Variants in NDFIP1 observed in about 807,000 individuals in gnomAD.
NDFIP1 encodes NEDD4 family-interacting protein 1.
A neutral mutation model predicts 28.8 loss-of-function variants in NDFIP1; 7 were observed. The ratio of observed to expected loss-of-function variants is 0.24; its 90% confidence interval spans 0.14 to 0.46. NDFIP1 has a LOEUF of 0.46. NDFIP1 is among the 20% of genes least tolerant of loss of function. The pLI is 0.99. For synonymous variants in NDFIP1, 92 were observed against 101.0 expected, an observed-to-expected ratio of 0.91 and a Z score of 0.53; for missense variants, 194 against 269.1, an observed-to-expected ratio of 0.72 and a Z score of 1.95.
chr5:142,112,996 G>A (rs1757031214), intron 1 of NDFIP1, among the ~76,000 whole-genome samples: 1 of 152,134 alleles, frequency 6.6e-6, no homozygotes, highest in Non-Finnish European at 1.5e-5. Context: ...GATGAACGCA[G>A]ATCTTCTGCG....
In NDFIP1 at chr5:142,152,440, T is replaced by G. The variant is rs1052467798; in HGVS notation, c.*712T>G. ...CACTAGGATACAAATGAAGCTTAAT[T>G]ACTAAAATGTAATTCTTGACACTCT... is the stretch of plus-strand genomic sequence containing the variant. On this transcript the variant is annotated 3_prime_UTR_variant, in exon 8 of 8. Transcript: ENST00000253814. 2 of 152,276 alleles carry G rather than the reference T, an allele frequency of 1.3e-5. No individual in the cohort carries two copies. The highest frequency in any genetic ancestry group is 2.9e-5 in the Non-Finnish European group (2 of 68,024). 9.4% of individuals were successfully genotyped at this position (152,276 alleles called of 1,614,324 possible).
chr5:142,130,527 A>G (rs1757216782), intron 1 of NDFIP1, among the ~76,000 whole-genome samples: 1 of 152,162 alleles, frequency 6.6e-6, no homozygotes, highest in South Asian at 2.1e-4. Flanking sequence ...TCTAACTTTA[A>G]AAAAGTATAC....
intron 1 of NDFIP1, among the ~76,000 whole-genome samples, chr5:142,109,963 T>C (rs1756995961): frequency 1.3e-5 from 2 of 152,246 alleles, no homozygotes; most frequent in Admixed American, 1.3e-4. Flanking sequence ...GTGTTTGTCA[T>C]GTTTCAGATG....
At position 142,152,950 on chromosome 5, in the gene NDFIP1, C is replaced by T. The variant is rs1452254619; in HGVS notation, c.*1222C>T. On this transcript the variant is annotated 3_prime_UTR_variant, in exon 8 of 8. Coordinates refer to ENST00000253814, the MANE Select transcript of NDFIP1 (RefSeq NM_030571.4). ...CTCTTATATCCTACTAAATACATTCCTAAAAATGTATTTGAACATTGGTTC... is the reference window on the plus strand; with the variant it reads ...CTCTTATATCCTACTAAATACATTCTTAAAAATGTATTTGAACATTGGTTC... 8.1e-6 allele frequency: 2 copies of T among 246,884 alleles called. No homozygotes were observed. Among genetic ancestry groups the T allele is most frequent in the East Asian group, 2.0e-4 (2 of 9,858 alleles). 15.3% of individuals were successfully genotyped at this position (246,884 alleles called of 1,614,324 possible). A position where few individuals can be genotyped will look rare whatever the true frequency, so the allele number is the denominator to read the frequency against.
At chr5:142,144,150 A>G (rs907973980) in intron 6 of NDFIP1, 1 of 154,882 alleles carries the variant, frequency 6.5e-6, no homozygotes, top group African/African-American at 2.4e-5. Context: ...GGAAGGTTAC[A>G]TTTTTTCTTT....
At chr5:142,113,451 G>A (rs533034201) in intron 1 of NDFIP1, among the ~76,000 whole-genome samples, 1 of 152,258 alleles carries the variant, frequency 6.6e-6, no homozygotes, top group Non-Finnish European at 1.5e-5. Flanking sequence ...AAATGTCAAA[G>A]TTTCTTAAGT....
chr5:142,149,496 G>T (rs1246903735), intron 7 of NDFIP1, among the ~76,000 whole-genome samples: 1 of 138,186 alleles, frequency 7.2e-6, no homozygotes, highest in Non-Finnish European at 1.5e-5. Context: ...ACGGTCCAGA[G>T]TCCCTAAGAT....
At chr5:142,148,532 CCT>C (rs1757413862) in intron 7 of NDFIP1, among the ~76,000 whole-genome samples, 1 of 151,998 alleles carries the variant, frequency 6.6e-6, no homozygotes, top group African/African-American at 2.4e-5. Context: ...GGGCAGGTCA[CCT>C]GAGGTTAGAA....
intron 2 of NDFIP1, 21 bp from the exon 3 acceptor site, chr5:142,132,191 G>T: frequency 6.2e-7 from 1 of 1,603,602 alleles, no homozygotes; most frequent in Non-Finnish European, 8.5e-7. Flanking sequence ...TCAAAAAATT[G>T]TGACTGTTAA....
chr5:142,137,938 C>T, intron 5 of NDFIP1, 80 bp downstream of exon 5: 3 of 1,491,516 alleles, frequency 2.0e-6, no homozygotes, highest in East Asian at 2.3e-5. Flanking sequence ...TTTTCATTTG[C>T]TTTTTTAAAA....
At chr5:142,140,672 T>G in intron 6 of NDFIP1, 43 bp downstream of exon 6, 1 of 1,475,358 alleles carries the variant, frequency 6.8e-7, no homozygotes, top group Non-Finnish European at 9.4e-7. Context: ...AACATTACAT[T>G]AAATTTTATA....
At chr5:142,117,541 G>A (rs972445734) in intron 1 of NDFIP1, among the ~76,000 whole-genome samples, 1 of 151,996 alleles carries the variant, frequency 6.6e-6, no homozygotes, top group African/African-American at 2.4e-5. Flanking sequence ...GCGCCTGGCC[G>A]ATTTCATTTT....
Position 142,149,631 on chromosome 5 carries a change from C to T in NDFIP1, c.*3-2100C>T, listed in dbSNP as rs1170041925. Among the ~76,000 whole-genome samples, 9 of 152,138 alleles carry T rather than the reference C, an allele frequency of 5.9e-5. No individual in the cohort carries two copies. In the South Asian group the frequency reaches 1.7e-3, roughly 28 times the overall value. ...GGAGATTGTGTGGTGATTGAGATTA[C>T]CCACTGGTGACCTCTCTAGGTCCTC... On this transcript the variant is annotated intron_variant, in intron 7 of 7. Coordinates refer to ENST00000253814, the MANE Select transcript of NDFIP1 (RefSeq NM_030571.4).
intron 1 of NDFIP1, 79 bp from the exon 2 acceptor site, chr5:142,131,728 AG>A: frequency 9.3e-7 from 1 of 1,074,688 alleles, no homozygotes; most frequent in Non-Finnish European, 1.3e-6. Flanking sequence ...CTTTCGAGAA[AG>A]GCTATTTATT....
At chr5:142,132,448 T>C in intron 3 of NDFIP1, 106 bp downstream of exon 3, 1 of 1,361,168 alleles carries the variant, frequency 7.3e-7, no homozygotes, top group Non-Finnish European at 1.0e-6. Context: ...TTAGTGAAAG[T>C]AGAGCTAATT....
intron 1 of NDFIP1, among the ~76,000 whole-genome samples, chr5:142,129,465 A>G (rs1466964608): frequency 2.0e-5 from 3 of 152,232 alleles, no homozygotes; most frequent in East Asian, 1.9e-4. Flanking sequence ...TAAGTTTAAC[A>G]TTAGATTACT....
At chr5:142,132,083 T>C (rs1174546765) in intron 2 of NDFIP1, 129 bp from the exon 3 acceptor site, 4 of 1,161,472 alleles carry the variant, frequency 3.4e-6, no homozygotes, top group Non-Finnish European at 3.6e-6. Flanking sequence ...TCTAAGAATG[T>C]CTTTTGGTTC....
chr5:142,112,953 C>T (rs1436155482), intron 1 of NDFIP1, among the ~76,000 whole-genome samples: 1 of 152,080 alleles, frequency 6.6e-6, no homozygotes, highest in East Asian at 1.9e-4. Flanking sequence ...GCGTGTTTCT[C>T]TCTCTGAGGA....
intron 7 of NDFIP1, among the ~76,000 whole-genome samples, chr5:142,147,416 A>G (rs1383318476): frequency 6.6e-6 from 1 of 152,188 alleles, no homozygotes. Context: ...GAAGTAAGAA[A>G]GCTTTATTTT....
Sources: allele counts gnomAD v4.1 joint callset (sites outside exome capture counted in the v4.1 genomes callset), GRCh38; gene constraint gnomAD v4.1.1; transcripts MANE v1.5; gene names NCBI Gene and HGNC (gene_info 2026-07-23, HGNC 2026-07-21).